The following NELL1 variants were observed in gnomAD, a reference collection of about 807,000 sequenced individuals.
The protein encoded by NELL1 is neural EGFL like 1.
Under a neutral mutation model 107.4 loss-of-function variants are expected in NELL1, and 76 were observed. That is an observed-to-expected ratio of 0.71 (90% CI 0.59 to 0.86). The LOEUF is 0.86. Among genes scored for constraint, NELL1 ranks in the 40% least tolerant of loss-of-function variants. The pLI, the probability that NELL1 is intolerant of heterozygous loss-of-function variation, is 0.00. For synonymous variants in NELL1, 353 were observed against 341.2 expected (o/e 1.03, Z -0.38); for missense variants, 1,024 against 1,005.5 (o/e 1.02, Z -0.25).
intron 14 of NELL1, among the ~76,000 whole-genome samples, chr11:21,315,418 A>G (rs1252095620): frequency 6.6e-6 from 1 of 152,018 alleles, no homozygotes; most frequent in Non-Finnish European, 1.5e-5. Flanking sequence ...CAAGGAAAGC[A>G]GTGCACCAGA....
At chr11:20,687,046 T>TG (rs1312210370) in intron 2 of NELL1, among the ~76,000 whole-genome samples, 2 of 95,740 alleles carry the variant, frequency 2.1e-5, no homozygotes, top group African/African-American at 1.2e-4. Flanking sequence ...TCTCTCTCTC[T>TG]TTTTTTTTTT....
chr11:20,760,983 C>T (rs1036873539), intron 2 of NELL1, among the ~76,000 whole-genome samples: 2 of 152,086 alleles, frequency 1.3e-5, no homozygotes, highest in Admixed American at 6.6e-5. Flanking sequence ...TGTGCTGTCC[C>T]GCGGGTATAA....
At chr11:21,229,305 T>G in intron 13 of NELL1, 27 bp from the exon 14 acceptor site, 1 of 1,612,492 alleles carries the variant, frequency 6.2e-7, no homozygotes. Context: ...AAAAAGTATT[T>G]CTCTTTTTCT....
At chr11:20,896,995 A>C (rs1212663745) in intron 5 of NELL1, among the ~76,000 whole-genome samples, 1 of 152,212 alleles carries the variant, frequency 6.6e-6, no homozygotes, top group Non-Finnish European at 1.5e-5. Flanking sequence ...GCCCAAGGTA[A>C]TTTATAGATT....
chr11:21,000,431 T>C (rs1221978893), intron 12 of NELL1, among the ~76,000 whole-genome samples: 1 of 152,200 alleles, frequency 6.6e-6, no homozygotes, highest in African/African-American at 2.4e-5. Flanking sequence ...GCTATTGTTG[T>C]CTGTTGATCT....
At chr11:21,267,387 T>C (rs1411935884) in intron 14 of NELL1, among the ~76,000 whole-genome samples, 1 of 152,154 alleles carries the variant, frequency 6.6e-6, no homozygotes, top group Non-Finnish European at 1.5e-5. Flanking sequence ...CTTCAAAATA[T>C]AGTTCAAAAT....
intron 14 of NELL1, among the ~76,000 whole-genome samples, chr11:21,275,193 C>T (rs531476880): frequency 4.1e-4 from 63 of 151,974 alleles, no homozygotes; most frequent in Admixed American, 6.6e-4. Flanking sequence ...ATCAAATAGA[C>T]GCAATAAAAA....
At chr11:21,299,316 C>T (rs1327058533) in intron 14 of NELL1, among the ~76,000 whole-genome samples, 5 of 152,026 alleles carry the variant, frequency 3.3e-5, no homozygotes, top group East Asian at 1.9e-4. Context: ...ATGCAGACAT[C>T]GCATTCTGCT....
chr11:20,714,196 T>TTA (rs1301231353), intron 2 of NELL1, among the ~76,000 whole-genome samples: 1 of 86,176 alleles, frequency 1.2e-5, no homozygotes, highest in Admixed American at 1.0e-4. Context: ...TCTCCCCGAT[T>TTA]TTTTTTTTTT....
chr11:21,406,590 T>C (rs73473042), intron 15 of NELL1, among the ~76,000 whole-genome samples: 2,326 of 152,114 alleles, frequency 0.015, 61 homozygotes, highest in African/African-American at 0.051. Flanking sequence ...TAGAACTACA[T>C]CTAACTTCAG....
chr11:21,128,293 T>C (rs1855534274), intron 13 of NELL1, among the ~76,000 whole-genome samples: 1 of 152,186 alleles, frequency 6.6e-6, no homozygotes, highest in Non-Finnish European at 1.5e-5. Context: ...CATATTTGTA[T>C]TTTCTTACTG....
intron 15 of NELL1, among the ~76,000 whole-genome samples, chr11:21,427,369 A>G (rs987956331): frequency 6.6e-6 from 1 of 152,216 alleles, no homozygotes; most frequent in African/African-American, 2.4e-5. Context: ...CACTTCTAAC[A>G]GGGAAAGGGG....
At chr11:21,399,963 A>G (rs1369474376) in intron 15 of NELL1, among the ~76,000 whole-genome samples, 4 of 151,872 alleles carry the variant, frequency 2.6e-5, no homozygotes, top group Non-Finnish European at 5.9e-5. Context: ...TTAATGTAGC[A>G]TTACTAACTA....
intron 14 of NELL1, among the ~76,000 whole-genome samples, chr11:21,367,140 GAA>G (rs1359166682): frequency 5.3e-5 from 8 of 151,970 alleles, no homozygotes; most frequent in African/African-American, 9.7e-5. Flanking sequence ...CTTGCACAAT[GAA>G]AAGAGTTCTT....
chr11:21,215,953 A>G (rs992419940), intron 13 of NELL1, among the ~76,000 whole-genome samples: 13 of 152,174 alleles, frequency 8.5e-5, no homozygotes, highest in Non-Finnish European at 7.4e-5. Flanking sequence ...AAATGTCTCC[A>G]GGGCATGTCA....
At chr11:21,108,413 A>G (rs1590644064) in intron 12 of NELL1, among the ~76,000 whole-genome samples, 2 of 152,152 alleles carry the variant, frequency 1.3e-5, no homozygotes, top group African/African-American at 4.8e-5. Flanking sequence ...TAAAACAAAA[A>G]CAAACTATTT....
intron 13 of NELL1, among the ~76,000 whole-genome samples, chr11:21,205,631 C>T (rs1214433515): frequency 6.6e-6 from 1 of 152,174 alleles, no homozygotes; most frequent in African/African-American, 2.4e-5. Context: ...ACAGTTCTGT[C>T]TTGCCGGTGT....
intron 15 of NELL1, among the ~76,000 whole-genome samples, chr11:21,405,284 T>C (rs892395891): frequency 2.0e-5 from 3 of 152,040 alleles, no homozygotes; most frequent in East Asian, 3.9e-4. Flanking sequence ...ATCCCAGCAA[T>C]GACAAAAATG....
At chr11:21,041,256 G>A (rs757329594) in intron 12 of NELL1, among the ~76,000 whole-genome samples, 38 of 152,144 alleles carry the variant, frequency 2.5e-4, no homozygotes, top group Admixed American at 3.3e-4. Flanking sequence ...AATCTTCCAC[G>A]TCAATAAGGT....
Sources: gnomAD v4.1 joint callset for allele counts (sites outside exome capture counted in the v4.1 genomes callset) on GRCh38, gnomAD v4.1.1 for gene constraint, MANE v1.5 for transcripts, NCBI Gene and HGNC (gene_info 2026-07-23, HGNC 2026-07-21) for gene names.